SH3GL2: variants seen among roughly 807,000 people sequenced by gnomAD.
SH3GL2 encodes the protein endophilin-A1.
SH3GL2 carries 24 observed loss-of-function variants against 46.0 expected under a neutral mutation model. That is an observed-to-expected ratio of 0.52 (90% confidence interval 0.38 to 0.73). The LOEUF (loss-of-function observed/expected upper bound fraction) is 0.73, where lower values mean the gene tolerates loss of function less well. Among genes scored for constraint, SH3GL2 ranks in the 30% least tolerant of loss-of-function variants. The pLI, the probability that SH3GL2 is intolerant of heterozygous loss-of-function variation, is 0.00. For synonymous variants in SH3GL2, 196 were observed against 147.1 expected (o/e 1.33, Z -2.40); for missense variants, 413 against 424.2 (o/e 0.97, Z 0.23).
intron 1 of SH3GL2, among the ~76,000 whole-genome samples, chr9:17,708,806 C>T (rs925090807): frequency 3.9e-5 from 6 of 151,916 alleles, no homozygotes; most frequent in African/African-American, 9.7e-5. Flanking sequence ...AACCTGATTA[C>T]GAGATTCAGT....
intron 3 of SH3GL2, among the ~76,000 whole-genome samples, chr9:17,775,778 G>C (rs1401765948): frequency 1.3e-5 from 2 of 152,110 alleles, no homozygotes; most frequent in Non-Finnish European, 2.9e-5. Flanking sequence ...AAGCCATTAG[G>C]TTTCCCCCAA....
At chr9:17,793,095 C>T (rs998643591) in intron 7 of SH3GL2, among the ~76,000 whole-genome samples, 15 of 152,022 alleles carry the variant, frequency 9.9e-5, no homozygotes, top group African/African-American at 2.4e-4. Context: ...TAGCACAGTG[C>T]GTATTTGGAT....
intron 1 of SH3GL2, among the ~76,000 whole-genome samples, chr9:17,618,793 T>TTGTG (rs149930816): frequency 0.42 from 63,400 of 149,414 alleles, 14,442 homozygotes; most frequent in East Asian, 0.73. Flanking sequence ...TTGGCTTATT[T>TTGTG]TGTGTGTGTG....
chr9:17,795,822 C>T lies in SH3GL2; in HGVS notation c.*79C>T. On this transcript the variant is annotated 3_prime_UTR_variant, in exon 9 of 9. Transcript: ENST00000380607. The stretch of plus-strand genomic sequence containing the variant: ...ACTGCTTTGGCAATGCTGCTTATAA[C>T]ACATCCCAAGTGCAGGCCGCAGTGG... 8.3e-7 allele frequency: 1 copy of T among 1,208,290 alleles called. No individual in the cohort carries two copies. Among genetic ancestry groups the T allele is most frequent in the Non-Finnish European group, 1.2e-6 (1 of 840,056 alleles). 74.8% of individuals were successfully genotyped at this position (1,208,290 alleles called of 1,614,324 possible).
chr9:17,731,192 G>A (rs1424140477), intron 1 of SH3GL2, among the ~76,000 whole-genome samples: 5 of 152,038 alleles, frequency 3.3e-5, no homozygotes, highest in Admixed American at 2.0e-4. Flanking sequence ...TATCTAGAGC[G>A]ATGTTTTAAA....
chr9:17,593,691 A>C (rs113977193), intron 1 of SH3GL2, among the ~76,000 whole-genome samples: 60 of 152,270 alleles, frequency 3.9e-4, no homozygotes, highest in African/African-American at 1.3e-3. Context: ...TTTTAGAAAA[A>C]GGAAGGTCAT....
chr9:17,698,246 C>T (rs543579713), intron 1 of SH3GL2, among the ~76,000 whole-genome samples: 1 of 152,190 alleles, frequency 6.6e-6, no homozygotes, highest in African/African-American at 2.4e-5. Context: ...CTTCAGTTAC[C>T]TTGTCTAAAA....
intron 1 of SH3GL2, among the ~76,000 whole-genome samples, chr9:17,699,439 C>A (rs1821291065): frequency 6.6e-6 from 1 of 152,162 alleles, no homozygotes; most frequent in Non-Finnish European, 1.5e-5. Flanking sequence ...CAGGGATATT[C>A]TCTCCTGTGC....
chr9:17,724,644 A>G (rs1226472884), intron 1 of SH3GL2, among the ~76,000 whole-genome samples: 1 of 152,078 alleles, frequency 6.6e-6, no homozygotes, highest in Admixed American at 6.6e-5. Flanking sequence ...AAACCTGTAC[A>G]TTTTAGATAC....
intron 1 of SH3GL2, among the ~76,000 whole-genome samples, chr9:17,665,973 T>C (rs1820331907): frequency 6.6e-6 from 1 of 150,728 alleles, no homozygotes; most frequent in African/African-American, 2.4e-5. Context: ...ATTGCAGTAG[T>C]CCTCCTTTCC....
intron 1 of SH3GL2, among the ~76,000 whole-genome samples, chr9:17,605,675 A>T (rs575774779): frequency 1.3e-5 from 2 of 152,122 alleles, no homozygotes; most frequent in African/African-American, 4.8e-5. Flanking sequence ...ATGTGTTTGT[A>T]TGTTTGTGTT....
chr9:17,681,218 A>T (rs1386659790), intron 1 of SH3GL2, among the ~76,000 whole-genome samples: 1 of 152,170 alleles, frequency 6.6e-6, no homozygotes, highest in African/African-American at 2.4e-5. Context: ...CATAGAACTA[A>T]GTAGGAAGAG....
chr9:17,778,968 C>T (rs1187733326), intron 3 of SH3GL2, among the ~76,000 whole-genome samples: 1 of 151,968 alleles, frequency 6.6e-6, no homozygotes, highest in Non-Finnish European at 1.5e-5. Context: ...GTTTGAGAGG[C>T]CTACACATCC....
At chr9:17,620,426 C>G (rs767101735) in intron 1 of SH3GL2, among the ~76,000 whole-genome samples, 21 of 152,166 alleles carry the variant, frequency 1.4e-4, no homozygotes, top group Non-Finnish European at 2.8e-4. Flanking sequence ...TAATTTATTA[C>G]TCCCAACAAC....
rs943978611 is a variant in SH3GL2, at chr9:17,752,642, C to A, written c.114+5508C>A. On this transcript the variant is annotated intron_variant, in intron 2 of 8. Transcript: ENST00000380607. ...CCTCTCAAGTAGCTAGGACTACCAG[C>A]ACACACCACCATGCCTGCCTAATTT... Among the ~76,000 whole-genome samples, 7 of 152,214 alleles carry A rather than the reference C, an allele frequency of 4.6e-5. No individual in the cohort carries two copies. The East Asian group carries it at 7.7e-4, about 17-fold the overall frequency.
intron 3 of SH3GL2, among the ~76,000 whole-genome samples, chr9:17,779,674 T>C (rs941660301): frequency 6.6e-6 from 1 of 152,168 alleles, no homozygotes; most frequent in African/African-American, 2.4e-5. Flanking sequence ...GAATTTTGTT[T>C]CATCTTCATT....
chr9:17,597,449 G>A (rs1818595208), intron 1 of SH3GL2, among the ~76,000 whole-genome samples: 1 of 152,010 alleles, frequency 6.6e-6, no homozygotes, highest in Non-Finnish European at 1.5e-5. Flanking sequence ...CCCAGGAGGT[G>A]GAGGTTGCAG....
At chr9:17,704,755 C>G (rs987680926) in intron 1 of SH3GL2, among the ~76,000 whole-genome samples, 1 of 152,036 alleles carries the variant, frequency 6.6e-6, no homozygotes, top group Non-Finnish European at 1.5e-5. Context: ...AAACTATACC[C>G]CTTCCTTACA....
chr9:17,667,746 G>A (rs1820381430), intron 1 of SH3GL2, among the ~76,000 whole-genome samples: 1 of 152,132 alleles, frequency 6.6e-6, no homozygotes, highest in South Asian at 2.1e-4. Flanking sequence ...GTTTTCCAAA[G>A]CAGTTGTACC....
Sources: gnomAD v4.1 joint callset for allele counts (sites outside exome capture counted in the v4.1 genomes callset) on GRCh38, gnomAD v4.1.1 for gene constraint, MANE v1.5 for transcripts, NCBI Gene and HGNC (gene_info 2026-07-23, HGNC 2026-07-21) for gene names.